DNAH14: variants seen among roughly 807,000 people sequenced by gnomAD.
The protein encoded by DNAH14 is axonemal beta dynein heavy chain 14.
Under a neutral mutation model 520.9 loss-of-function variants are expected in DNAH14, and 478 were observed. That is an observed-to-expected ratio of 0.92 (90% CI 0.85 to 0.99). The LOEUF (loss-of-function observed/expected upper bound fraction) is 0.99, where lower values mean the gene tolerates loss of function less well. Ranked by LOEUF, DNAH14 falls within the 50% of genes least tolerant of loss-of-function variation. The probability of loss-of-function intolerance (pLI) is 0.00; values close to 1 mark genes in which losing one functional copy is unlikely to be tolerated. For missense variants in DNAH14, 4,831 were observed against 5,234.5 expected (o/e 0.92, Z 2.38); for synonymous variants, 1,581 against 1,757.2 (o/e 0.90, Z 2.51).
At chr1:225,201,243 T>G (rs1467721915) in intron 38 of DNAH14, among the ~76,000 whole-genome samples, 2 of 152,100 alleles carry the variant, frequency 1.3e-5, no homozygotes, top group Non-Finnish European at 2.9e-5. Flanking sequence ...GCTATCTATT[T>G]CATTAAAAAT....
At chr1:225,021,982 T>C (rs1380887454) in intron 10 of DNAH14, among the ~76,000 whole-genome samples, 1 of 148,528 alleles carries the variant, frequency 6.7e-6, no homozygotes, top group East Asian at 2.0e-4. Flanking sequence ...CCACACAGTC[T>C]ACAATGACAA....
chr1:225,059,332 G>A (rs866197781), intron 17 of DNAH14, among the ~76,000 whole-genome samples: 8 of 152,200 alleles, frequency 5.3e-5, no homozygotes, highest in South Asian at 2.1e-4. Context: ...TGTTTTATCC[G>A]ATACTAGGAT....
intron 64 of DNAH14, among the ~76,000 whole-genome samples, chr1:225,327,160 CTT>C (rs10712547): frequency 6.8e-4 from 98 of 144,012 alleles, no homozygotes; most frequent in Admixed American, 9.0e-4. Context: ...AAATTAGTAA[CTT>C]TTTTTTTTTT....
chr1:225,101,791 G>C (rs1327558966), intron 23 of DNAH14, among the ~76,000 whole-genome samples: 2 of 151,700 alleles, frequency 1.3e-5, no homozygotes, highest in African/African-American at 4.8e-5. Flanking sequence ...TCCAAATTTT[G>C]GTTATTGTGA....
chr1:225,324,196 T>A, intron 62 of DNAH14, 26 bp from the exon 63 acceptor site: 1 of 1,550,218 alleles, frequency 6.5e-7, no homozygotes. Context: ...CTTTCTCATG[T>A]AATACATTAA....
At chr1:225,012,164 A>G (rs2064829419) in intron 10 of DNAH14, among the ~76,000 whole-genome samples, 1 of 152,116 alleles carries the variant, frequency 6.6e-6, no homozygotes, top group Non-Finnish European at 1.5e-5. Flanking sequence ...AAAATCCCTC[A>G]GCATTTGCTT....
At chr1:225,276,979 A>G (rs139793774) in intron 53 of DNAH14, among the ~76,000 whole-genome samples, 3,295 of 49,050 alleles carry the variant, frequency 0.067, 228 homozygotes, top group African/African-American at 0.22. Flanking sequence ...GGAAGGAAGG[A>G]AGGAAGGGAG....
intron 12 of DNAH14, among the ~76,000 whole-genome samples, chr1:225,039,739 G>A (rs534670333): frequency 5.3e-5 from 8 of 149,608 alleles, no homozygotes; most frequent in Admixed American, 1.3e-4. Context: ...TTAGCCGGGC[G>A]TAGTGGCGGG....
rs752732306 is a variant in DNAH14 at position 225,078,859 on chromosome 1, C to CCTCTCTCT, written c.2425-316_2425-309dup. ...CTCTCTCTCCCTCTCTCTCTCTCTCCCTCTCTCTCTCTCTCTCTCTCTCTC... is the reference window on the plus strand; with the variant it reads ...CTCTCTCTCCCTCTCTCTCTCTCTCCCTCTCTCTCTCTCTCTCTCTCTCTCTCTCTCTC... On this transcript the variant is annotated intron_variant, in intron 17 of 85. Transcript: ENST00000682510. Among the ~76,000 whole-genome samples, 4 of 18,996 alleles carry CCTCTCTCT rather than the reference C, an allele frequency of 2.1e-4. 1 individual carries two copies. Among genetic ancestry groups the CCTCTCTCT allele is most frequent in the Admixed American group, 6.8e-4 (1 of 1,468 alleles). 12.5% of individuals were successfully genotyped at this position (18,996 alleles called of 152,430 possible).
At chr1:224,991,077 T>C (rs992863942) in intron 8 of DNAH14, among the ~76,000 whole-genome samples, 1 of 145,830 alleles carries the variant, frequency 6.9e-6, no homozygotes, top group African/African-American at 2.6e-5. Flanking sequence ...TGATTAGTGA[T>C]GTTGAGCTTT....
chr1:225,075,092 C>A (rs1367466212), intron 17 of DNAH14, among the ~76,000 whole-genome samples: 1 of 152,190 alleles, frequency 6.6e-6, no homozygotes, highest in East Asian at 1.9e-4. Context: ...TGCCAAGACT[C>A]CATGTAGCTC....
chr1:225,237,631 T>G (rs980851716), intron 42 of DNAH14, among the ~76,000 whole-genome samples: 3 of 152,196 alleles, frequency 2.0e-5, no homozygotes, highest in African/African-American at 4.8e-5. Context: ...TTCTCTGCAT[T>G]TCCTGAATTT....
At chr1:225,110,144 C>T (rs1359220375) in intron 23 of DNAH14, among the ~76,000 whole-genome samples, 1 of 151,944 alleles carries the variant, frequency 6.6e-6, no homozygotes, top group East Asian at 1.9e-4. Context: ...CTGTAGTTTT[C>T]TTTTTTAATG....
chr1:225,057,123 A>T (rs190529630), intron 17 of DNAH14, among the ~76,000 whole-genome samples: 1 of 152,374 alleles, frequency 6.6e-6, no homozygotes, highest in East Asian at 1.9e-4. Context: ...TACCTTGGGC[A>T]GTATGCCCAT....
rs1558440725 is a variant in DNAH14, at chr1:225,335,997, GC to G, written c.10081-1268del. Among the ~76,000 whole-genome samples, 20 of 84,748 alleles carry G rather than the reference GC, an allele frequency of 2.4e-4. No individual in the cohort carries two copies. In the East Asian group the frequency reaches 8.6e-3, roughly 36 times the overall value. The allele number at this position is 84,748 out of a possible 152,430, so 55.6% of individuals were successfully genotyped here. ...TACATATGTGTATATACACACATAT[GC>G]ATATATGTATACGCATATATGCATA... On this transcript the variant is annotated intron_variant, in intron 66 of 85. Transcript: ENST00000682510.
chr1:225,193,810 C>A (rs1025796049), intron 38 of DNAH14, among the ~76,000 whole-genome samples: 5 of 152,196 alleles, frequency 3.3e-5, no homozygotes, highest in African/African-American at 1.2e-4. Context: ...CCCATAGTCT[C>A]TGCCCAAAAC....
intron 52 of DNAH14, among the ~76,000 whole-genome samples, chr1:225,274,920 G>A (rs2093428847): frequency 1.3e-5 from 2 of 152,180 alleles, no homozygotes; most frequent in South Asian, 4.1e-4. Flanking sequence ...AATACAATGT[G>A]CCAAGCACAG....
At chr1:225,275,518 A>C (rs2093444921) in intron 52 of DNAH14, among the ~76,000 whole-genome samples, 1 of 152,190 alleles carries the variant, frequency 6.6e-6, no homozygotes, top group Non-Finnish European at 1.5e-5. Context: ...GACATGTGGA[A>C]ACTTGCAGAA....
rs898303474 is a variant in DNAH14, at chr1:224,960,200, C to G, written c.265C>G (p.Pro89Ala). The G allele has an allele frequency of 1.2e-6, 2 of 1,608,162 alleles. No individual in the cohort carries two copies. Among genetic ancestry groups the G allele is most frequent in the Non-Finnish European group, 1.7e-6 (2 of 1,177,874 alleles). Residue 89 changes from proline to alanine, a missense_variant, in exon 4 of 86, where the codon CCA (proline) becomes GCA (alanine). Coordinates refer to ENST00000682510, the MANE Select transcript of DNAH14 (RefSeq NM_001367479.1). ...IIQQHMVSPE[P>A]ASLKEKGKSR... ...TCAACAACATATGGTTTCTCCAGAG[C>G]CAGCTTCCCTTAAGGAGAAAGGGAA...
Sources: allele counts gnomAD v4.1 joint callset (sites outside exome capture counted in the v4.1 genomes callset), GRCh38; gene constraint gnomAD v4.1.1; transcripts MANE v1.5; gene names NCBI Gene and HGNC (gene_info 2026-07-23, HGNC 2026-07-21).